Variants in FAM228B observed in about 807,000 individuals in gnomAD.
FAM228B encodes family with sequence similarity 228 member B, also known as protein FAM228B.
In FAM228B, 38 loss-of-function variants were observed where a neutral mutation model predicts 42.6. That is an observed-to-expected ratio of 0.89 (90% CI 0.69 to 1.17). FAM228B has a LOEUF of 1.17. Among genes scored for constraint, FAM228B ranks in the 50% most tolerant of loss-of-function variants. FAM228B has a pLI of 0.00. For missense variants in FAM228B, 344 were observed against 367.3 expected (o/e 0.94, Z 0.52); for synonymous variants, 109 against 122.3 (o/e 0.89, Z 0.72).
At chr2:24,164,962 G>T (rs1558396781) in intron 9 of FAM228B, among the ~76,000 whole-genome samples, 1 of 151,908 alleles carries the variant, frequency 6.6e-6, no homozygotes, top group Non-Finnish European at 1.5e-5. Context: ...AGGATCCCGG[G>T]AAAAAACTCA....
At chr2:24,139,556 A>G (rs1348862659) in intron 5 of FAM228B, 106 bp downstream of exon 5, 1 of 535,162 alleles carries the variant, frequency 1.9e-6, no homozygotes, top group Non-Finnish European at 3.3e-6. Context: ...GTGCAGTAAC[A>G]TTTTAAGCAT....
At chr2:24,167,994 G>T in intron 10 of FAM228B, 1 of 297,454 alleles carries the variant, frequency 3.4e-6, no homozygotes, top group Non-Finnish European at 6.6e-6. Context: ...ACTGTCTCTG[G>T]CTCTAAGCAT....
At chr2:24,125,601 C>T (rs1666290430) in intron 2 of FAM228B, among the ~76,000 whole-genome samples, 1 of 152,106 alleles carries the variant, frequency 6.6e-6, no homozygotes, top group East Asian at 1.9e-4. Flanking sequence ...CGCTCTATCA[C>T]TCAGCCAGGA....
chr2:24,091,288 C>A (rs12713184), intron 2 of FAM228B, among the ~76,000 whole-genome samples: 18,105 of 152,112 alleles, frequency 0.12, 1,257 homozygotes, highest in South Asian at 0.18. Flanking sequence ...AAAAAATTAG[C>A]CGGGCGTGGT....
chr2:24,107,289 G>C (rs550580351), intron 3 of FAM228B, among the ~76,000 whole-genome samples: 87 of 152,294 alleles, frequency 5.7e-4, no homozygotes, highest in African/African-American at 2.1e-3. Flanking sequence ...CAAGTTCTTA[G>C]AGACCTATGA....
intron 2 of FAM228B, among the ~76,000 whole-genome samples, chr2:24,127,497 G>A (rs1666344841): frequency 1.3e-5 from 2 of 152,124 alleles, no homozygotes; most frequent in Admixed American, 1.3e-4. Flanking sequence ...GTAACTATAT[G>A]TTTAACTTTT....
At position 24,095,835 on chromosome 2, in the gene FAM228B, C is replaced by T. The variant is rs1031738862; in HGVS notation, c.-121+606C>T. On this transcript the variant is annotated intron_variant, in intron 3 of 10. Coordinates refer to the FAM228B transcript ENST00000613899. The surrounding 1 kb of genome is among the most constrained non-coding windows in gnomAD (Gnocchi z 4.8). The stretch of plus-strand genomic sequence containing the variant: ...GGTCCCTCACCCCCATGTAGCCTAA[C>T]TAGGAGATACCTCCCAGGAGGGGCC... 1.3e-5 allele frequency: 2 copies of T among 152,338 alleles called. No homozygotes were observed. Among genetic ancestry groups the T allele is most frequent in the Non-Finnish European group, 2.9e-5 (2 of 68,132 alleles). The allele number at this position is 152,338 out of a possible 1,614,324, so 9.4% of individuals were successfully genotyped here.
chr2:24,147,976 G>A (rs6715006), intron 7 of FAM228B, among the ~76,000 whole-genome samples: 6 of 147,712 alleles, frequency 4.1e-5, no homozygotes, highest in African/African-American at 1.5e-4. Flanking sequence ...ATTTGATGTA[G>A]AAGAATGGTG....
chr2:24,106,028 C>G (rs1034475482), intron 3 of FAM228B, among the ~76,000 whole-genome samples: 1 of 152,168 alleles, frequency 6.6e-6, no homozygotes, highest in Non-Finnish European at 1.5e-5. Context: ...AAGCAAGCAA[C>G]TTGGAAAACA....
rs977171627 is a variant in FAM228B, at chr2:24,139,399, A to C, written c.390A>C (p.Pro130=). 8 of 1,547,686 alleles carry C rather than the reference A, an allele frequency of 5.2e-6. No individual in the cohort carries two copies. Among genetic ancestry groups the C allele is most frequent in the Non-Finnish European group, 6.1e-6 (7 of 1,143,866 alleles). ...KGNAFIEHYD[P]KEYDPFYMSK... ...ATGCATTTATAGAACATTATGATCC[A>C]AAAGAGTATGATCCCTTTTATATGA... is the stretch of plus-strand genomic sequence containing the variant. The change falls in exon 5 of 11, where the codon CCA becomes CCC. Residue 130 remains proline (P), a synonymous_variant. Transcript: ENST00000615575.
rs1558393224 is a variant in FAM228B, at chr2:24,155,506, TATATATA to T, written c.687-5999_687-5993del. Among the ~76,000 whole-genome samples the T allele has an allele frequency of 5.0e-3, 248 of 49,636 alleles. 9 individuals are homozygous for T. The highest frequency in any genetic ancestry group is 0.012 in the East Asian group (22 of 1,778). 32.6% of individuals were successfully genotyped at this position (49,636 alleles called of 152,430 possible). ...GCCAGAAGTCATTGAAGACCATGCA[TATATATA>T]TATATATATATATATATATTTTTTT... On this transcript the variant is annotated intron_variant, in intron 7 of 10. Coordinates refer to ENST00000615575, the MANE Select transcript of FAM228B (RefSeq NM_001145710.2).
intron 5 of FAM228B, among the ~76,000 whole-genome samples, chr2:24,140,691 G>C (rs1239835080): frequency 6.6e-6 from 1 of 152,068 alleles, no homozygotes; most frequent in East Asian, 1.9e-4. Flanking sequence ...GCCGGGCGCA[G>C]TGGCTCATGC....
intron 2 of FAM228B, among the ~76,000 whole-genome samples, chr2:24,127,807 T>C (rs1666353946): frequency 6.6e-6 from 1 of 152,078 alleles, no homozygotes; most frequent in African/African-American, 2.4e-5. Flanking sequence ...GGATTACAGA[T>C]GTGCACCACC....
In FAM228B at chr2:24,077,024, C is replaced by T; in HGVS notation, c.-290+55C>T. ...GAGGGTGGTGGAGGTGCGGCGGGGC[C>T]CAGAAGTGTAGCAGGAGGTGGTTGG... is the stretch of plus-strand genomic sequence containing the variant. On this transcript the variant is annotated intron_variant, in intron 1 of 10. Coordinates refer to the FAM228B transcript ENST00000613899. The surrounding 1 kb of genome is among the most constrained non-coding windows in gnomAD (Gnocchi z 5.5). The T allele has an allele frequency of 6.3e-6, 1 of 159,944 alleles. No individual in the cohort carries two copies. 9.9% of individuals were successfully genotyped at this position (159,944 alleles called of 1,614,324 possible). A position where few individuals can be genotyped will look rare whatever the true frequency, so the allele number is the denominator to read the frequency against.
intron 3 of FAM228B, among the ~76,000 whole-genome samples, chr2:24,111,268 C>T (rs900940013): frequency 6.6e-6 from 1 of 152,132 alleles, no homozygotes; most frequent in African/African-American, 2.4e-5. Flanking sequence ...CTATGTTGCC[C>T]AGGCTGATTT....
chr2:24,119,583 T>C (rs146131011), upstream of FAM228B: 6 of 1,612,984 alleles, frequency 3.7e-6, no homozygotes, highest in African/African-American at 8.0e-5. Context: ...TTACCCAGGC[T>C]CTCTGTGGCT....
intron 3 of FAM228B, among the ~76,000 whole-genome samples, chr2:24,101,144 A>G (rs1481487319): frequency 2.0e-5 from 3 of 152,194 alleles, no homozygotes; most frequent in African/African-American, 4.8e-5. Context: ...GGATAGCATT[A>G]CAAGAAATAC....
intron 2 of FAM228B, among the ~76,000 whole-genome samples, chr2:24,082,705 A>G (rs1665058317): frequency 6.6e-6 from 1 of 152,278 alleles, no homozygotes; most frequent in South Asian, 2.1e-4. Flanking sequence ...CAGACCCTCT[A>G]TCTGCTAACC....
chr2:24,115,493 A>T, intron 3 of FAM228B: 2 of 1,142,072 alleles, frequency 1.8e-6, no homozygotes, highest in East Asian at 2.4e-5. Context: ...CCTTCTGTCT[A>T]GTGTTTTTTC....
Sources: gnomAD v4.1 joint callset for allele counts (sites outside exome capture counted in the v4.1 genomes callset) on GRCh38, gnomAD v4.1.1 for gene constraint, Gnocchi (gnomAD v3.1) non-coding constraint, MANE v1.5 for transcripts, NCBI Gene and HGNC (gene_info 2026-07-23, HGNC 2026-07-21) for gene names.